Variants in RNGTT observed in about 807,000 individuals in gnomAD.
RNGTT encodes the protein mRNA-capping enzyme.
In RNGTT, 33 loss-of-function variants were observed where a neutral mutation model predicts 79.3. The observed-to-expected ratio is 0.42, with a 90% CI of 0.32 to 0.56. RNGTT has a LOEUF of 0.56. Ranked by LOEUF, RNGTT falls within the 20% of genes least tolerant of loss-of-function variation. RNGTT has a pLI of 0.17. For synonymous variants in RNGTT, 222 were observed against 235.9 expected (o/e 0.94, Z 0.54); for missense variants, 497 against 739.1 (o/e 0.67, Z 3.80).
At chr6:88,756,709 T>C (rs1778028613) in intron 13 of RNGTT, among the ~76,000 whole-genome samples, 1 of 152,214 alleles carries the variant, frequency 6.6e-6, no homozygotes, top group East Asian at 1.9e-4. Context: ...ATACAAATTA[T>C]GCTTTATAAT....
chr6:88,925,056 T>C (rs908110129), intron 4 of RNGTT, among the ~76,000 whole-genome samples: 4 of 152,026 alleles, frequency 2.6e-5, no homozygotes, highest in African/African-American at 9.7e-5. Flanking sequence ...TTTTTCTCTT[T>C]TATGTGGCCA....
At chr6:88,923,679 T>C (rs72911614) in intron 4 of RNGTT, among the ~76,000 whole-genome samples, 2,233 of 152,222 alleles carry the variant, frequency 0.015, 27 homozygotes, top group Middle Eastern at 0.034. Context: ...AAGGCCACTT[T>C]TACCCACCTA....
chr6:88,759,859 T>C (rs1008394007), intron 13 of RNGTT, among the ~76,000 whole-genome samples: 3 of 151,752 alleles, frequency 2.0e-5, no homozygotes, highest in East Asian at 1.9e-4. Flanking sequence ...TACTTCATTT[T>C]CCCCCCCACC....
intron 12 of RNGTT, among the ~76,000 whole-genome samples, chr6:88,779,001 A>C (rs541930051): frequency 1.3e-5 from 2 of 152,156 alleles, no homozygotes; most frequent in Non-Finnish European, 2.9e-5. Flanking sequence ...GTTTTTTTGG[A>C]ATGTTGAAAC....
chr6:88,892,544 T>A (rs1212700922), intron 6 of RNGTT, among the ~76,000 whole-genome samples: 1 of 152,100 alleles, frequency 6.6e-6, no homozygotes, highest in Non-Finnish European at 1.5e-5. Context: ...GAATTTTTAA[T>A]CTAAATTTTT....
intron 13 of RNGTT, among the ~76,000 whole-genome samples, chr6:88,765,320 G>C (rs1359964336): frequency 1.3e-5 from 2 of 151,736 alleles, no homozygotes; most frequent in African/African-American, 2.4e-5. Flanking sequence ...TTTTCCACTT[G>C]ATAATACAGA....
intron 1 of RNGTT, among the ~76,000 whole-genome samples, chr6:88,955,366 T>C (rs1301748452): frequency 1.3e-5 from 2 of 151,610 alleles, no homozygotes; most frequent in African/African-American, 2.4e-5. Flanking sequence ...CTGGCCAACA[T>C]GGTGAAATCC....
chr6:88,889,550 G>C (rs1224978299), intron 8 of RNGTT, among the ~76,000 whole-genome samples: 1 of 151,984 alleles, frequency 6.6e-6, no homozygotes, highest in Admixed American at 6.6e-5. Context: ...ACACTTAAAA[G>C]CTAATATATA....
intron 2 of RNGTT, among the ~76,000 whole-genome samples, chr6:88,937,114 G>A (rs1306988401): frequency 8.5e-5 from 13 of 152,152 alleles, no homozygotes; most frequent in East Asian, 7.7e-4. Flanking sequence ...AGGCCGAAGC[G>A]GGCAGATCAC....
At chr6:88,831,428 T>C (rs1247521644) in intron 11 of RNGTT, among the ~76,000 whole-genome samples, 1 of 152,192 alleles carries the variant, frequency 6.6e-6, no homozygotes, top group East Asian at 1.9e-4. Context: ...TAGGTACTGA[T>C]GGAACTTATC....
intron 14 of RNGTT, among the ~76,000 whole-genome samples, chr6:88,627,786 CTTTAG>C (rs1192962323): frequency 6.6e-6 from 1 of 152,070 alleles, no homozygotes; most frequent in African/African-American, 2.4e-5. Flanking sequence ...ACACAGAACT[CTTTAG>C]TTTAGCAAAA....
At chr6:88,779,960 C>T (rs1048359681) in intron 12 of RNGTT, among the ~76,000 whole-genome samples, 6 of 152,098 alleles carry the variant, frequency 3.9e-5, no homozygotes, top group Admixed American at 2.0e-4. Context: ...CACCACTGCA[C>T]GCCAGCCTGG....
chr6:88,921,915 T>A (rs993243999), intron 4 of RNGTT, among the ~76,000 whole-genome samples: 3 of 152,124 alleles, frequency 2.0e-5, no homozygotes, highest in African/African-American at 7.2e-5. Flanking sequence ...AACGGCAGGA[T>A]GTTCATAGGT....
intron 13 of RNGTT, among the ~76,000 whole-genome samples, chr6:88,767,881 A>C (rs1279478814): frequency 6.6e-6 from 1 of 152,154 alleles, no homozygotes; most frequent in African/African-American, 2.4e-5. Flanking sequence ...GCACTTTGTC[A>C]GGAAGACTAA....
In RNGTT at chr6:88,710,451, A is replaced by G. The variant is rs561867232; in HGVS notation, c.1440-32032T>C. ...GGGAACGAAATATAACAATTTAAAA[A>G]TGATATCTGCATTAAAATGGTTATT... is the stretch of plus-strand genomic sequence containing the variant. On this transcript the variant is annotated intron_variant, in intron 13 of 15. Coordinates refer to ENST00000369485, the MANE Select transcript of RNGTT (RefSeq NM_003800.5). Among the ~76,000 whole-genome samples, 4 of 152,370 alleles carry G rather than the reference A, an allele frequency of 2.6e-5. No homozygotes were observed. In the South Asian group the frequency reaches 6.2e-4, roughly 24 times the overall value.
intron 13 of RNGTT, among the ~76,000 whole-genome samples, chr6:88,738,278 T>C (rs1485611961): frequency 6.6e-6 from 1 of 152,096 alleles, no homozygotes; most frequent in African/African-American, 2.4e-5. Flanking sequence ...GCAATGTCAT[T>C]AAAAACGCGG....
intron 13 of RNGTT, among the ~76,000 whole-genome samples, chr6:88,680,912 C>T (rs1038110450): frequency 6.6e-6 from 1 of 152,118 alleles, no homozygotes; most frequent in Non-Finnish European, 1.5e-5. Context: ...ACAAACACGA[C>T]TAAAGGCATT....
At chr6:88,861,626 C>CCA (rs1782017308) in intron 8 of RNGTT, among the ~76,000 whole-genome samples, 1 of 152,058 alleles carries the variant, frequency 6.6e-6, no homozygotes, top group South Asian at 2.1e-4. Context: ...TAACTTAGTT[C>CCA]CATTCATGAA....
chr6:88,851,662 C>G (rs192084138), intron 9 of RNGTT, among the ~76,000 whole-genome samples: 140 of 152,104 alleles, frequency 9.2e-4, no homozygotes, highest in African/African-American at 3.1e-3. Context: ...AAAACAAAAG[C>G]TTCAATGCTC....
Sources: gnomAD v4.1 joint callset for allele counts (sites outside exome capture counted in the v4.1 genomes callset) on GRCh38, gnomAD v4.1.1 for gene constraint, MANE v1.5 for transcripts, NCBI Gene and HGNC (gene_info 2026-07-23, HGNC 2026-07-21) for gene names.